The following SLC2A13 variants were observed in gnomAD, a reference collection of about 807,000 sequenced individuals.
SLC2A13 encodes the protein solute carrier family 2 member 13.
SLC2A13 carries 32 observed loss-of-function variants against 64.4 expected under a neutral mutation model. The observed-to-expected ratio is 0.50, with a 90% CI of 0.37 to 0.67. The LOEUF (loss-of-function observed/expected upper bound fraction) is 0.67. Among genes scored for constraint, SLC2A13 ranks in the 30% least tolerant of loss-of-function variants. SLC2A13 has a pLI of 0.00. For missense variants in SLC2A13, 743 were observed against 829.2 expected, an observed-to-expected ratio of 0.90 and a Z score of 1.28; for synonymous variants, 338 against 327.1, an observed-to-expected ratio of 1.03 and a Z score of -0.36.
intron 4 of SLC2A13, among the ~76,000 whole-genome samples, chr12:39,943,486 A>G (rs944641860): frequency 2.0e-5 from 3 of 152,214 alleles, no homozygotes; most frequent in Non-Finnish European, 2.9e-5. Flanking sequence ...CAGTCTGGCT[A>G]CAGTGGCTTT....
intron 4 of SLC2A13, chr12:39,907,905 C>T (rs1004336357): frequency 1.3e-5 from 2 of 151,150 alleles, no homozygotes; most frequent in African/African-American, 2.5e-5. Flanking sequence ...CCCAACCCAC[C>T]CATTCTTTTT....
intron 6 of SLC2A13, among the ~76,000 whole-genome samples, chr12:39,853,097 C>T (rs1383105844): frequency 6.6e-6 from 1 of 152,088 alleles, no homozygotes. Context: ...CAATTCTTTG[C>T]TCAAAACGCC....
At chr12:39,822,342 C>T (rs1034995173) in intron 7 of SLC2A13, among the ~76,000 whole-genome samples, 2 of 152,070 alleles carry the variant, frequency 1.3e-5, no homozygotes, top group Non-Finnish European at 2.9e-5. Flanking sequence ...CACATAAAGC[C>T]ATTCACCTAA....
intron 1 of SLC2A13, among the ~76,000 whole-genome samples, chr12:40,092,840 C>T (rs1224119889): frequency 2.0e-5 from 3 of 152,184 alleles, no homozygotes; most frequent in Admixed American, 6.5e-5. Flanking sequence ...GGGTGAACTA[C>T]GACTCCAATG....
intron 4 of SLC2A13, among the ~76,000 whole-genome samples, chr12:39,893,902 C>T (rs557697294): frequency 6.6e-6 from 1 of 152,104 alleles, no homozygotes; most frequent in Non-Finnish European, 1.5e-5. Flanking sequence ...AAAGTAAATC[C>T]ATTATTTTTA....
intron 3 of SLC2A13, among the ~76,000 whole-genome samples, chr12:39,958,823 G>A (rs763516979): frequency 9.9e-5 from 15 of 151,968 alleles, no homozygotes; most frequent in Non-Finnish European, 1.8e-4. Flanking sequence ...TTGCAATTCT[G>A]AAGGACTGGA....
At chr12:39,837,788 G>T (rs1943057130) in intron 6 of SLC2A13, among the ~76,000 whole-genome samples, 1 of 152,164 alleles carries the variant, frequency 6.6e-6, no homozygotes, top group Non-Finnish European at 1.5e-5. Context: ...AAACCACTCT[G>T]AGATACCATC....
At chr12:39,871,984 AT>A (rs772662740) in intron 4 of SLC2A13, 23 bp from the exon 5 acceptor site, 2 of 1,523,794 alleles carry the variant, frequency 1.3e-6, no homozygotes, top group Non-Finnish European at 1.8e-6. Context: ...GAATAAAACA[AT>A]TGCTATTGAT....
At chr12:39,838,711 G>A (rs201043791) in intron 6 of SLC2A13, among the ~76,000 whole-genome samples, 1 of 152,128 alleles carries the variant, frequency 6.6e-6, no homozygotes, top group Non-Finnish European at 1.5e-5. Flanking sequence ...TATGTTTCAC[G>A]TGGCACCCAG....
intron 6 of SLC2A13, among the ~76,000 whole-genome samples, chr12:39,853,944 T>G: frequency 6.6e-6 from 1 of 152,168 alleles, no homozygotes; most frequent in Non-Finnish European, 1.5e-5. Flanking sequence ...ATTTGGTACT[T>G]GATTTTCAGG....
chr12:40,025,982 C>T (rs1404044390), intron 3 of SLC2A13, among the ~76,000 whole-genome samples: 1 of 152,182 alleles, frequency 6.6e-6, no homozygotes, highest in Non-Finnish European at 1.5e-5. Context: ...CTGGACATTA[C>T]AATACTGATA....
intron 6 of SLC2A13, among the ~76,000 whole-genome samples, chr12:39,855,202 A>G (rs918573775): frequency 3.9e-5 from 6 of 152,226 alleles, no homozygotes; most frequent in Non-Finnish European, 8.8e-5. Flanking sequence ...AAAGAAGTAC[A>G]TACATTACTA....
rs1342587943 is a variant in SLC2A13 at position 39,959,789 on chromosome 12, CTAAA to C, written c.926-8428_926-8425del. ...TATTTAAAAAGAGGAAGTATCCTTT[CTAAA>C]TAAATAATTTTCTTTTTAAAAAAAT... is the stretch of plus-strand genomic sequence containing the variant. On this transcript the variant is annotated intron_variant, in intron 3 of 9. Coordinates refer to ENST00000280871, the MANE Select transcript of SLC2A13 (RefSeq NM_052885.4). Among the ~76,000 whole-genome samples, 17 of 152,220 alleles carry C rather than the reference CTAAA, an allele frequency of 1.1e-4. No homozygotes were observed. In the South Asian group the frequency reaches 3.3e-3, roughly 30 times the overall value.
At position 39,876,980 on chromosome 12, in the gene SLC2A13, C is replaced by A. The variant is rs575392501; in HGVS notation, c.1035-5019G>T. On this transcript the variant is annotated intron_variant, in intron 4 of 9. Coordinates refer to ENST00000280871, the MANE Select transcript of SLC2A13 (RefSeq NM_052885.4). The stretch of plus-strand genomic sequence containing the variant: ...ATTATCTAAGTTATGTTCTTTAGCT[C>A]TTTTAGTTCCTAGTGCTATAAATAT... 1.0e-3 allele frequency among the ~76,000 whole-genome samples: 156 copies of A among 152,214 alleles called. 1 individual carries two copies. The highest frequency in any genetic ancestry group is 3.5e-3 in the African/African-American group (144 of 41,548).
chr12:39,897,657 T>C (rs1284524200), intron 4 of SLC2A13, among the ~76,000 whole-genome samples: 1 of 152,192 alleles, frequency 6.6e-6, no homozygotes, highest in African/African-American at 2.4e-5. Context: ...GTGAATTTTT[T>C]ATTTTATTTA....
rs1946060604 is a variant in SLC2A13 at position 39,942,858 on chromosome 12, C to T, written c.1034+8399G>A. 2.6e-5 allele frequency among the ~76,000 whole-genome samples: 4 copies of T among 152,048 alleles called. No homozygotes were observed. In the South Asian group the frequency reaches 8.3e-4, roughly 32 times the overall value. ...TTTTCTGGTTTTTGGAATTTTCAGCCTTTTTGTGCTGGTTTTTCCTCATCT... is the reference window on the plus strand; with the variant it reads ...TTTTCTGGTTTTTGGAATTTTCAGCTTTTTTGTGCTGGTTTTTCCTCATCT... On this transcript the variant is annotated intron_variant, in intron 4 of 9. Transcript: ENST00000280871.
Position 39,896,546 on chromosome 12 carries a change from G to A in SLC2A13, c.1035-24585C>T, listed in dbSNP as rs188078806. ...CATGTATACATGTATGTATGTATGT[G>A]TGTATACATGTATACATATATGTAT... On this transcript the variant is annotated intron_variant, in intron 4 of 9. Transcript: ENST00000280871. Among the ~76,000 whole-genome samples, 179 of 141,172 alleles carry A rather than the reference G, an allele frequency of 1.3e-3. 10 individuals are homozygous for A. In the South Asian group the frequency reaches 0.035, roughly 27 times the overall value. The allele number at this position is 141,172 out of a possible 152,430, so 92.6% of individuals were successfully genotyped here. A position where few individuals can be genotyped will look rare whatever the true frequency, so the allele number is the denominator to read the frequency against.
chr12:39,990,019 TA>T (rs1201864977), intron 3 of SLC2A13, among the ~76,000 whole-genome samples: 6 of 152,222 alleles, frequency 3.9e-5, no homozygotes, highest in Admixed American at 3.9e-4. Flanking sequence ...ACTATAGCTC[TA>T]ATTTTTAACA....
chr12:39,826,933 C>T (rs1016791881), intron 7 of SLC2A13, among the ~76,000 whole-genome samples: 1 of 131,186 alleles, frequency 7.6e-6, no homozygotes, highest in Non-Finnish European at 1.5e-5. Flanking sequence ...GCTTCCTTGC[C>T]TCCAATAATT....
Sources: allele counts gnomAD v4.1 joint callset (sites outside exome capture counted in the v4.1 genomes callset), GRCh38; gene constraint gnomAD v4.1.1; transcripts MANE v1.5; gene names NCBI Gene and HGNC (gene_info 2026-07-23, HGNC 2026-07-21).